The following FSD2 variants were observed in gnomAD, a reference collection of about 807,000 sequenced individuals.
The protein encoded by FSD2 is fibronectin type III and SPRY domain-containing protein 2.
A neutral mutation model predicts 80.4 loss-of-function variants in FSD2; 71 were observed. That is an observed-to-expected ratio of 0.88 (90% CI 0.73 to 1.08). The LOEUF is 1.08. Ranked by LOEUF, FSD2 falls within the 50% of genes least tolerant of loss-of-function variation. The probability of loss-of-function intolerance (pLI) is 0.00; values close to 1 mark genes in which losing one functional copy is unlikely to be tolerated. For missense variants in FSD2, 923 were observed against 913.8 expected, an observed-to-expected ratio of 1.01 and a Z score of -0.13; for synonymous variants, 361 against 329.5, an observed-to-expected ratio of 1.10 and a Z score of -1.03.
intron 9 of FSD2, among the ~76,000 whole-genome samples, chr15:82,767,764 A>G (rs1209629801): frequency 6.6e-6 from 1 of 152,192 alleles, no homozygotes; most frequent in Non-Finnish European, 1.5e-5. Context: ...GTGGCCATGG[A>G]CACACAGATT....
intron 4 of FSD2, among the ~76,000 whole-genome samples, chr15:82,782,391 C>T (rs1455222307): frequency 1.3e-5 from 2 of 152,204 alleles, no homozygotes; most frequent in African/African-American, 4.8e-5. Context: ...CAGAGTGAGA[C>T]TCCGTCTCAA....
At chr15:82,804,271 AG>A (rs1400834765) in intron 1 of FSD2, among the ~76,000 whole-genome samples, 1 of 152,076 alleles carries the variant, frequency 6.6e-6, no homozygotes, top group Non-Finnish European at 1.5e-5. Context: ...TTCCTCTCCC[AG>A]GGGGCCCAGG....
At chr15:82,772,291 C>G in intron 6 of FSD2, 63 bp from the exon 7 acceptor site, 1 of 1,499,750 alleles carries the variant, frequency 6.7e-7, no homozygotes, top group East Asian at 2.4e-5. Context: ...ACAGTGGCCC[C>G]TTTCCCATGA....
In FSD2 at chr15:82,759,056, G is replaced by A; in HGVS notation, c.*292C>T. ...AGGTCTTGGAAACTCAAGATATTTT[G>A]CATATACACGAATATAGTTTGACAG... On this transcript the variant is annotated 3_prime_UTR_variant, in exon 13 of 13. Transcript: ENST00000334574. 1 of 316,066 alleles carries A rather than the reference G, an allele frequency of 3.2e-6. No homozygotes were observed. Among genetic ancestry groups the A allele is most frequent in the Non-Finnish European group, 5.9e-6 (1 of 169,190 alleles). 19.6% of individuals were successfully genotyped at this position (316,066 alleles called of 1,614,324 possible).
At chr15:82,766,709 C>T (rs1596231302) in intron 9 of FSD2, among the ~76,000 whole-genome samples, 1 of 148,408 alleles carries the variant, frequency 6.7e-6, no homozygotes, top group Non-Finnish European at 1.5e-5. Context: ...CACGCCACTG[C>T]ACTCCTGGGC....
chr15:82,766,394 C>T (rs559369542), intron 9 of FSD2, among the ~76,000 whole-genome samples: 13 of 152,222 alleles, frequency 8.5e-5, no homozygotes, highest in African/African-American at 3.1e-4. Flanking sequence ...CATAATGTCT[C>T]TGAGGTCAGG....
intron 1 of FSD2, among the ~76,000 whole-genome samples, chr15:82,797,322 A>G (rs1197684481): frequency 6.6e-6 from 1 of 152,250 alleles, no homozygotes; most frequent in African/African-American, 2.4e-5. Context: ...TTTCATTTCC[A>G]TCAATGTTTG....
Position 82,775,938 on chromosome 15 carries a change from T to G in FSD2, c.1111+2828A>C, listed in dbSNP as rs148807716. Among the ~76,000 whole-genome samples, 86 of 152,346 alleles carry G rather than the reference T, an allele frequency of 5.6e-4. No individual in the cohort carries two copies. The South Asian group carries it at 6.6e-3, about 12-fold the overall frequency. ...TGTGTAATTTCCACATATCTGTGAA[T>G]TTTCCAATTTTTTCTTGTTATTGAT... On this transcript the variant is annotated intron_variant, in intron 6 of 12. Coordinates refer to ENST00000334574, the MANE Select transcript of FSD2 (RefSeq NM_001007122.4).
Position 82,786,949 on chromosome 15 carries a change from C to A in FSD2, c.442G>T (p.Glu148Ter), listed in dbSNP as rs750439252. Residue 148 changes from glutamate (E) to a stop codon, truncating the protein, a stop_gained, in exon 2 of 13, where the codon GAA (glutamate) becomes TAA (stop). Transcript: ENST00000334574. LOFTEE classifies it high-confidence loss of function. ...GSAGQCQDLR[E>*]AYRYTHGRAS... ...CGGCCGTGTGTGTACCTATAGGCTT[C>A]CCGCAAGTCCTGGCACTGGCCTGCT... 3.1e-6 allele frequency: 5 copies of A among 1,613,908 alleles called. No homozygotes were observed. In the East Asian group the frequency reaches 8.9e-5, roughly 29 times the overall value.
intron 1 of FSD2, among the ~76,000 whole-genome samples, chr15:82,803,434 C>T (rs1042381494): frequency 6.6e-6 from 1 of 152,100 alleles, no homozygotes; most frequent in African/African-American, 2.4e-5. Flanking sequence ...TGCCATAGCT[C>T]TATACTCCCC....
chr15:82,803,059 A>G (rs1047045483), intron 1 of FSD2, among the ~76,000 whole-genome samples: 4 of 152,106 alleles, frequency 2.6e-5, no homozygotes, highest in African/African-American at 9.7e-5. Context: ...AGGAGGCTCC[A>G]GACAAGTGAC....
chr15:82,790,956 G>A (rs1176420175), intron 1 of FSD2, among the ~76,000 whole-genome samples: 1 of 151,690 alleles, frequency 6.6e-6, no homozygotes, highest in Non-Finnish European at 1.5e-5. Flanking sequence ...CAATTCACCT[G>A]TTAAAAATGT....
intron 4 of FSD2, among the ~76,000 whole-genome samples, chr15:82,781,950 G>C (rs1052489561): frequency 1.3e-5 from 2 of 151,160 alleles, no homozygotes; most frequent in Admixed American, 6.6e-5. Context: ...TGTAATCCCA[G>C]CTACTCAGGA....
intron 1 of FSD2, among the ~76,000 whole-genome samples, chr15:82,801,699 C>CT (rs1323949796): frequency 6.6e-6 from 1 of 152,196 alleles, no homozygotes; most frequent in Non-Finnish European, 1.5e-5. Flanking sequence ...TCCTGAGACT[C>CT]TAAGACTTGG....
chr15:82,788,731 C>G (rs2050069673), intron 1 of FSD2, among the ~76,000 whole-genome samples: 1 of 151,718 alleles, frequency 6.6e-6, no homozygotes, highest in Non-Finnish European at 1.5e-5. Context: ...TTCACACTTT[C>G]AGCAGGGTGT....
intron 11 of FSD2, among the ~76,000 whole-genome samples, 178 bp downstream of exon 11, chr15:82,764,988 T>A (rs1041091843): frequency 9.9e-5 from 15 of 152,164 alleles, no homozygotes; most frequent in African/African-American, 3.4e-4. Flanking sequence ...TGCACCTGCC[T>A]GACCCCTCTT....
rs1458856271 is a variant in FSD2, at chr15:82,759,412, T to C, written c.2186A>G (p.Glu729Gly). 5 of 1,613,752 alleles carry C rather than the reference T, an allele frequency of 3.1e-6. No homozygotes were observed. The South Asian group carries it at 5.5e-5, about 18-fold the overall frequency. The change falls in exon 13 of 13, where the codon GAA (glutamate) becomes GGA (glycine). Residue 729 changes from glutamate (E) to glycine (G), a missense_variant. By Grantham distance (98) the Glu-to-Gly change is moderately conservative. Coordinates refer to ENST00000334574, the MANE Select transcript of FSD2 (RefSeq NM_001007122.4). ...HEFVHPCFSL[E>G]KPGCLKVHNG... ...ATGTACCTTTAGACACCCAGGCTTTTCCAAAGAAAAACAGGGATGCACAAA... is the reference window on the plus strand; with the variant it reads ...ATGTACCTTTAGACACCCAGGCTTTCCCAAAGAAAAACAGGGATGCACAAA...
Position 82,765,948 on chromosome 15 carries a change from T to C in FSD2, c.1637A>G (p.Asn546Ser), listed in dbSNP as rs1309649617. 12 of 1,608,446 alleles carry C rather than the reference T, an allele frequency of 7.5e-6. No homozygotes were observed. The highest frequency in any genetic ancestry group is 1.0e-5 in the Non-Finnish European group (12 of 1,178,216). Residue 546 changes from asparagine to serine, a missense_variant, in exon 10 of 13, where the codon AAT (asparagine) becomes AGT (serine). By Grantham distance (46) the Asn-to-Ser change is conservative. Coordinates refer to ENST00000334574, the MANE Select transcript of FSD2 (RefSeq NM_001007122.4). The part of the protein sequence containing the change: ...RSYIIYVRAL[N>S]MGGPSVRSEP... ...GCTCCTCACGCTGGGGCCCCCCATATTGAGGGCTCGCACATAGATAATGTA... is the reference window on the plus strand; with the variant it reads ...GCTCCTCACGCTGGGGCCCCCCATACTGAGGGCTCGCACATAGATAATGTA...
rs1438879500 is a variant in FSD2, at chr15:82,755,844, A to G, written c.*3504T>C. 5.5e-6 allele frequency: 2 copies of G among 362,500 alleles called. No individual in the cohort carries two copies. Among genetic ancestry groups the G allele is most frequent in the African/African-American group, 4.2e-5 (2 of 47,688 alleles). The allele number at this position is 362,500 out of a possible 1,614,324, so 22.5% of individuals were successfully genotyped here. ...GTTACAGTGAAACAAGCATATGTAC[A>G]GAGTTAATCTCCTATAGCTTGAAGT... On this transcript the variant is annotated 3_prime_UTR_variant, in exon 13 of 13. Transcript: ENST00000334574.
Sources: gnomAD v4.1 joint callset for allele counts (sites outside exome capture counted in the v4.1 genomes callset) on GRCh38, gnomAD v4.1.1 for gene constraint, MANE v1.5 for transcripts, NCBI Gene and HGNC (gene_info 2026-07-23, HGNC 2026-07-21) for gene names.